The following NAF1 variants were observed in gnomAD, a reference collection of about 807,000 sequenced individuals.
NAF1 encodes the protein nuclear assembly factor 1 ribonucleoprotein, also known as H/ACA ribonucleoprotein complex non-core subunit NAF1.
In NAF1, 11 loss-of-function variants were observed where a neutral mutation model predicts 40.6. The ratio of observed to expected loss-of-function variants is 0.27; its 90% CI spans 0.17 to 0.45. NAF1 has a LOEUF of 0.45. NAF1 is among the 20% of genes least tolerant of loss of function. The pLI, the probability that NAF1 is intolerant of heterozygous loss-of-function variation, is 1.00. For synonymous variants in NAF1, 260 were observed against 228.5 expected (o/e 1.14, Z -1.24); for missense variants, 607 against 611.1 (o/e 0.99, Z 0.07).
At chr4:163,134,575 A>G (rs1451349610) in intron 6 of NAF1, among the ~76,000 whole-genome samples, 1 of 152,228 alleles carries the variant, frequency 6.6e-6, no homozygotes, top group Non-Finnish European at 1.5e-5. Flanking sequence ...TTAAATGTAC[A>G]ATGAACAAGT....
Position 163,130,373 on chromosome 4 carries a change from AG to A in NAF1, c.1034-1026del, listed in dbSNP as rs1271545716. On this transcript the variant is annotated intron_variant, in intron 7 of 7. Transcript: ENST00000274054. ...TAAAAAATTAAAATTACAAAGTTTT[AG>A]GAAAAAAAGAAGATATAAAATAAAG... is the stretch of plus-strand genomic sequence containing the variant. 2.6e-5 allele frequency among the ~76,000 whole-genome samples: 4 copies of A among 152,352 alleles called. No individual in the cohort carries two copies. The East Asian group carries it at 5.8e-4, about 22-fold the overall frequency.
At chr4:163,148,542 G>A (rs1731568665) in intron 2 of NAF1, 108 bp from the exon 3 acceptor site, 1 of 713,850 alleles carries the variant, frequency 1.4e-6, no homozygotes, top group Non-Finnish European at 2.4e-6. Context: ...TGCTTTAAGT[G>A]CTTAGAGCAT....
chr4:163,119,014 C>T (rs1254107886), intron 2 of NAF1, among the ~76,000 whole-genome samples: 2 of 152,288 alleles, frequency 1.3e-5, no homozygotes, highest in East Asian at 3.9e-4. Flanking sequence ...AACTATAAGA[C>T]TTATATATAA....
At chr4:163,114,434 C>T (rs1431420984) in intron 2 of NAF1, among the ~76,000 whole-genome samples, 2 of 152,188 alleles carry the variant, frequency 1.3e-5, no homozygotes, top group Non-Finnish European at 2.9e-5. Flanking sequence ...TTATGCTGAA[C>T]ACAGGATTCC....
At chr4:163,117,732 A>T (rs1730392131) in intron 2 of NAF1, among the ~76,000 whole-genome samples, 1 of 131,384 alleles carries the variant, frequency 7.6e-6, no homozygotes, top group African/African-American at 3.3e-5. Context: ...TGAATACATC[A>T]TCCATTATTC....
intron 1 of NAF1, among the ~76,000 whole-genome samples, chr4:163,165,977 GA>G (rs1732441782): frequency 6.6e-6 from 1 of 151,884 alleles, no homozygotes; most frequent in African/African-American, 2.4e-5. Context: ...GCCTAGATGT[GA>G]TGATAAAAAA....
chr4:163,160,646 T>C (rs148229485), intron 2 of NAF1, among the ~76,000 whole-genome samples: 3 of 152,184 alleles, frequency 2.0e-5, no homozygotes. Flanking sequence ...TGAGTGACAA[T>C]AGGAAACTGC....
chr4:163,146,776 GTC>G (rs1560796901), intron 3 of NAF1, among the ~76,000 whole-genome samples: 1 of 152,132 alleles, frequency 6.6e-6, no homozygotes, highest in African/African-American at 2.4e-5. Flanking sequence ...GCAAGACCTT[GTC>G]TCTATTAAAA....
downstream of NAF1, among the ~76,000 whole-genome samples, chr4:163,124,394 C>A (rs1730594145): frequency 1.1e-4 from 16 of 151,420 alleles, no homozygotes; most frequent in Admixed American, 1.1e-3. Flanking sequence ...TCCTTCCAGC[C>A]CCTTTTATAA....
intron 2 of NAF1, among the ~76,000 whole-genome samples, chr4:163,152,700 T>G (rs985985758): frequency 6.6e-5 from 10 of 152,216 alleles, no homozygotes; most frequent in African/African-American, 2.2e-4. Context: ...CTCACAGCCC[T>G]GGCTCACTCT....
At chr4:163,116,559 A>G (rs1241238477) in intron 2 of NAF1, among the ~76,000 whole-genome samples, 1 of 152,080 alleles carries the variant, frequency 6.6e-6, no homozygotes, top group Non-Finnish European at 1.5e-5. Flanking sequence ...TCTCTTCCTC[A>G]ATTCCAACTT....
chr4:163,120,582 G>T (rs1730489387), intron 2 of NAF1, among the ~76,000 whole-genome samples: 1 of 152,114 alleles, frequency 6.6e-6, no homozygotes, highest in South Asian at 2.1e-4. Context: ...AAATGAAAGG[G>T]TACTCAACTA....
At chr4:163,135,369 C>A (rs1235666645) in intron 6 of NAF1, 1 of 152,170 alleles carries the variant, frequency 6.6e-6, no homozygotes, top group Non-Finnish European at 1.5e-5. Context: ...CTGGAAAAAA[C>A]AAACACCATG....
At chr4:163,157,707 T>C (rs1481259089) in intron 2 of NAF1, among the ~76,000 whole-genome samples, 2 of 152,100 alleles carry the variant, frequency 1.3e-5, no homozygotes, top group East Asian at 3.8e-4. Flanking sequence ...TTTTGTAAGA[T>C]TATTATATTT....
At chr4:163,163,347 A>C (rs991236524) in intron 2 of NAF1, among the ~76,000 whole-genome samples, 1 of 152,184 alleles carries the variant, frequency 6.6e-6, no homozygotes. Context: ...ATTCATGAAA[A>C]AGGCTCCTGA....
downstream of NAF1, among the ~76,000 whole-genome samples, chr4:163,125,619 TAAGGA>T (rs1730634357): frequency 6.6e-6 from 1 of 152,154 alleles, no homozygotes; most frequent in South Asian, 2.1e-4. Flanking sequence ...TCATGAGGTT[TAAGGA>T]AAGAAGCCAT....
At chr4:163,131,322 G>T (rs1730865975) in intron 7 of NAF1, among the ~76,000 whole-genome samples, 1 of 152,170 alleles carries the variant, frequency 6.6e-6, no homozygotes, top group Admixed American at 6.6e-5. Flanking sequence ...AAGCTCAGAA[G>T]TTCAAGGTTA....
chr4:163,164,522 T>C (rs1037164139), intron 1 of NAF1, 131 bp from the exon 2 acceptor site: 1 of 678,712 alleles, frequency 1.5e-6, no homozygotes. Context: ...AAAATAAGAT[T>C]ATGCAATTAA....
chr4:163,160,856 C>G (rs1732189147), intron 2 of NAF1, among the ~76,000 whole-genome samples: 1 of 151,928 alleles, frequency 6.6e-6, no homozygotes, highest in African/African-American at 2.4e-5. Flanking sequence ...AGTTAATAGA[C>G]CACATAGAGC....
Sources: allele counts gnomAD v4.1 joint callset (sites outside exome capture counted in the v4.1 genomes callset), GRCh38; gene constraint gnomAD v4.1.1; transcripts MANE v1.5; gene names NCBI Gene and HGNC (gene_info 2026-07-23, HGNC 2026-07-21).